FUT8: variants seen among roughly 807,000 people sequenced by gnomAD.
The protein encoded by FUT8 is alpha-(1,6)-fucosyltransferase.
In FUT8, 29 loss-of-function variants were observed where a neutral mutation model predicts 71.3. That is an observed-to-expected ratio of 0.41 (90% confidence interval 0.30 to 0.55). The LOEUF (loss-of-function observed/expected upper bound fraction) is 0.55, where lower values mean the gene tolerates loss of function less well. Among genes scored for constraint, FUT8 ranks in the 20% least tolerant of loss-of-function variants. FUT8 has a pLI of 0.34. For synonymous variants in FUT8, 254 were observed against 239.3 expected, an observed-to-expected ratio of 1.06 and a Z score of -0.57; for missense variants, 544 against 702.1, an observed-to-expected ratio of 0.77 and a Z score of 2.55.
intron 3 of FUT8, among the ~76,000 whole-genome samples, chr14:65,576,672 G>A (rs1886790006): frequency 7.5e-6 from 1 of 132,820 alleles, no homozygotes; most frequent in Non-Finnish European, 1.6e-5. Flanking sequence ...GGGAACACAG[G>A]TGTGTGCCAT....
At chr14:65,424,029 G>C (rs1021432992) in intron 1 of FUT8, among the ~76,000 whole-genome samples, 1 of 152,112 alleles carries the variant, frequency 6.6e-6, no homozygotes, top group African/African-American at 2.4e-5. Context: ...CCTTTTTCTT[G>C]TAATGCCATG....
Position 65,467,847 on chromosome 14 carries a change from G to T in FUT8, c.-228+12129G>T. On this transcript the variant is annotated intron_variant, in intron 2 of 10. Transcript: ENST00000673929. The surrounding 1 kb of genome is among the most constrained non-coding windows in gnomAD (Gnocchi z 4.1). ...ACAGGGAATAGGTTCCAGCAGCTCA[G>T]GCTCCTTCCCACTGGTTCTCACAAA... The T allele has an allele frequency of 1.3e-6, 1 of 791,628 alleles. No homozygotes were observed. The highest frequency in any genetic ancestry group is 1.3e-5 in the South Asian group (1 of 75,072). 49.0% of individuals were successfully genotyped at this position (791,628 alleles called of 1,614,324 possible).
At chr14:65,651,974 AT>A (rs1168606779) in intron 6 of FUT8, among the ~76,000 whole-genome samples, 4 of 152,216 alleles carry the variant, frequency 2.6e-5, no homozygotes, top group Admixed American at 6.5e-5. Flanking sequence ...ATTGAAGAAC[AT>A]ATTTGAAGAA....
At chr14:65,538,147 A>G (rs573113244) in intron 2 of FUT8, among the ~76,000 whole-genome samples, 1 of 152,236 alleles carries the variant, frequency 6.6e-6, no homozygotes, top group East Asian at 1.9e-4. Flanking sequence ...GTGCTCCACT[A>G]CAGATGCTCC....
chr14:65,720,279 C>T (rs1054325030), intron 7 of FUT8, among the ~76,000 whole-genome samples: 7 of 152,220 alleles, frequency 4.6e-5, no homozygotes, highest in East Asian at 1.9e-4. Flanking sequence ...TGCCAGGCTA[C>T]GGTTCATGTT....
At chr14:65,585,661 A>T (rs183514439) in intron 3 of FUT8, among the ~76,000 whole-genome samples, 1 of 152,336 alleles carries the variant, frequency 6.6e-6, no homozygotes, top group African/African-American at 2.4e-5. Flanking sequence ...GACAAGGAAT[A>T]AAAAAAGTAA....
chr14:65,649,471 AG>A (rs952734199), intron 6 of FUT8, among the ~76,000 whole-genome samples: 3 of 152,170 alleles, frequency 2.0e-5, no homozygotes, highest in Non-Finnish European at 2.9e-5. Context: ...GTCCCATGTG[AG>A]ATGGTTGATT....
At chr14:65,699,170 ACACACACACACAC>A (rs1418023490) in intron 7 of FUT8, among the ~76,000 whole-genome samples, 3 of 148,312 alleles carry the variant, frequency 2.0e-5, no homozygotes, top group South Asian at 2.1e-4. Flanking sequence ...ACACACACAC[ACACACACACACAC>A]ACACACACAC....
At chr14:65,651,834 T>C (rs1891424538) in intron 6 of FUT8, among the ~76,000 whole-genome samples, 1 of 152,146 alleles carries the variant, frequency 6.6e-6, no homozygotes, top group Admixed American at 6.5e-5. Context: ...AATTATGCAG[T>C]CTGAACAACA....
At chr14:65,485,657 G>C (rs989378293) in intron 2 of FUT8, among the ~76,000 whole-genome samples, 4 of 152,278 alleles carry the variant, frequency 2.6e-5, no homozygotes, top group African/African-American at 9.6e-5. Context: ...AATCAGTACT[G>C]TGCTGAATAT....
At chr14:65,677,206 T>C (rs1228890379) in intron 7 of FUT8, among the ~76,000 whole-genome samples, 2 of 148,576 alleles carry the variant, frequency 1.3e-5, no homozygotes, top group Admixed American at 6.7e-5. Context: ...TTTTAAGTAA[T>C]AGACTTTATT....
chr14:65,681,461 T>G (rs1893033183), intron 7 of FUT8, among the ~76,000 whole-genome samples: 1 of 152,218 alleles, frequency 6.6e-6, no homozygotes, highest in South Asian at 2.1e-4. Context: ...CAAGCTTTAT[T>G]ATGGTGGAAC....
intron 7 of FUT8, among the ~76,000 whole-genome samples, chr14:65,673,456 G>C (rs1892568483): frequency 6.6e-6 from 1 of 152,236 alleles, no homozygotes; most frequent in South Asian, 2.1e-4. Flanking sequence ...TGGTGGTATG[G>C]TTAAGACTAC....
rs1011383276 is a variant in FUT8, at chr14:65,483,547, C to A, written c.-228+27829C>A. ...ATTTGAGGGACAGTTGACATCTTAA[C>A]GATATCAAGTCTTCTGACTCATGAA... On this transcript the variant is annotated intron_variant, in intron 2 of 10. Coordinates refer to ENST00000673929, the MANE Select transcript of FUT8 (RefSeq NM_001371533.1). The surrounding 1 kb of genome is among the most constrained non-coding windows in gnomAD (Gnocchi z 4.4). Among the ~76,000 whole-genome samples the A allele has an allele frequency of 6.6e-6, 1 of 152,140 alleles. No homozygotes were observed. Among genetic ancestry groups the A allele is most frequent in the South Asian group, 2.1e-4 (1 of 4,832 alleles).
chr14:65,538,489 C>T (rs932767127), intron 2 of FUT8, among the ~76,000 whole-genome samples: 1 of 152,152 alleles, frequency 6.6e-6, no homozygotes, highest in Non-Finnish European at 1.5e-5. Flanking sequence ...GAGGTTCCTC[C>T]TGGCTGCATC....
intron 5 of FUT8, 35 bp downstream of exon 5, chr14:65,616,408 A>C (rs759138158): frequency 6.7e-7 from 1 of 1,492,658 alleles, no homozygotes; most frequent in Non-Finnish European, 9.0e-7. Flanking sequence ...TTTGGGCTTT[A>C]GAAAAGATTA....
chr14:65,657,447 A>G (rs1891735684), intron 6 of FUT8, among the ~76,000 whole-genome samples: 1 of 152,136 alleles, frequency 6.6e-6, no homozygotes, highest in African/African-American at 2.4e-5. Context: ...TGAATGAACA[A>G]AGAAAATATG....
At chr14:65,412,433 A>G (rs1448377411), upstream of FUT8, 4 of 429,796 alleles carry the variant, frequency 9.3e-6, no homozygotes, top group East Asian at 2.9e-4. Flanking sequence ...TCCTCCCGGG[A>G]TCCAGGATCC....
chr14:65,460,517 A>G (rs1214588936), intron 2 of FUT8, among the ~76,000 whole-genome samples: 1 of 152,156 alleles, frequency 6.6e-6, no homozygotes, highest in African/African-American at 2.4e-5. Flanking sequence ...AGCTTGAGGA[A>G]TCAGTAAAAA....
Sources: gnomAD v4.1 joint callset for allele counts (sites outside exome capture counted in the v4.1 genomes callset) on GRCh38, gnomAD v4.1.1 for gene constraint, Gnocchi (gnomAD v3.1) non-coding constraint, MANE v1.5 for transcripts, NCBI Gene and HGNC (gene_info 2026-07-23, HGNC 2026-07-21) for gene names.